Variants in CAMK1D observed in about 807,000 individuals in gnomAD.
CAMK1D encodes the protein calcium/calmodulin-dependent protein kinase type 1D.
Under a neutral mutation model 47.7 loss-of-function variants are expected in CAMK1D, and 9 were observed. The ratio of observed to expected loss-of-function variants is 0.19; its 90% CI spans 0.11 to 0.33. CAMK1D has a LOEUF of 0.33. CAMK1D is among the 10% of genes least tolerant of loss of function. The probability of loss-of-function intolerance (pLI) is 1.00; values close to 1 mark genes in which losing one functional copy is unlikely to be tolerated. For synonymous variants in CAMK1D, 184 were observed against 184.9 expected (o/e 0.99, Z 0.04); for missense variants, 291 against 488.7 (o/e 0.60, Z 3.81).
At chr10:12,682,521 A>G (rs1285854470) in intron 3 of CAMK1D, among the ~76,000 whole-genome samples, 1 of 152,206 alleles carries the variant, frequency 6.6e-6, no homozygotes, top group Non-Finnish European at 1.5e-5. Flanking sequence ...AAAATTTACA[A>G]TTCAGAATTT....
intron 1 of CAMK1D, among the ~76,000 whole-genome samples, chr10:12,495,215 G>T (rs1424255249): frequency 2.0e-5 from 3 of 152,188 alleles, no homozygotes; most frequent in Non-Finnish European, 2.9e-5. Context: ...TGTTGCCTCA[G>T]GTAAAGCCCG....
chr10:12,489,480 G>A (rs749734321), intron 1 of CAMK1D, among the ~76,000 whole-genome samples: 7 of 152,312 alleles, frequency 4.6e-5, no homozygotes, highest in Non-Finnish European at 1.0e-4. Context: ...AGTCATTTGT[G>A]CTTCCATAAG....
At chr10:12,421,828 T>C (rs1840061874) in intron 1 of CAMK1D, among the ~76,000 whole-genome samples, 1 of 150,782 alleles carries the variant, frequency 6.6e-6, no homozygotes, top group Non-Finnish European at 1.5e-5. Flanking sequence ...GGGACTCTTA[T>C]TTTTTTGAGA....
chr10:12,662,966 C>T (rs77087435), intron 2 of CAMK1D, among the ~76,000 whole-genome samples: 10,308 of 151,936 alleles, frequency 0.068, 384 homozygotes, highest in South Asian at 0.18. Flanking sequence ...TTTTTGTTTT[C>T]GTTTTTGTTT....
At chr10:12,709,467 G>A (rs1833855752) in intron 3 of CAMK1D, among the ~76,000 whole-genome samples, 1 of 152,012 alleles carries the variant, frequency 6.6e-6, no homozygotes, top group African/African-American at 2.4e-5. Context: ...AAATATGACA[G>A]ATACAAAGAA....
intron 2 of CAMK1D, among the ~76,000 whole-genome samples, chr10:12,607,927 C>T (rs1003040041): frequency 6.6e-6 from 1 of 151,914 alleles, no homozygotes; most frequent in Non-Finnish European, 1.5e-5. Flanking sequence ...CATTACTGCG[C>T]TCCAGCCTAG....
intron 2 of CAMK1D, among the ~76,000 whole-genome samples, chr10:12,615,737 TG>T (rs1164586137): frequency 6.6e-6 from 1 of 151,658 alleles, no homozygotes; most frequent in Non-Finnish European, 1.5e-5. Flanking sequence ...TGCATGTGTG[TG>T]GGGGTGTGTA....
chr10:12,629,316 G>A (rs1312754985), intron 2 of CAMK1D, among the ~76,000 whole-genome samples: 5 of 152,112 alleles, frequency 3.3e-5, no homozygotes, highest in Admixed American at 1.3e-4. Flanking sequence ...TTACCTTTTG[G>A]TTTCTAAAAC....
At chr10:12,580,683 C>T (rs1837637502) in intron 2 of CAMK1D, among the ~76,000 whole-genome samples, 1 of 152,156 alleles carries the variant, frequency 6.6e-6, no homozygotes, top group Non-Finnish European at 1.5e-5. Context: ...ATATGGACCC[C>T]AGCCTAAGAA....
intron 1 of CAMK1D, among the ~76,000 whole-genome samples, chr10:12,387,393 TATA>T (rs1838543163): frequency 2.2e-5 from 1 of 45,024 alleles, no homozygotes; most frequent in African/African-American, 5.3e-5. Context: ...ATATATATTA[TATA>T]TTTTTATATA....
At chr10:12,572,704 T>C (rs1036726109) in intron 2 of CAMK1D, among the ~76,000 whole-genome samples, 1 of 152,118 alleles carries the variant, frequency 6.6e-6, no homozygotes. Flanking sequence ...AGATCACAGC[T>C]CATTGTAGCC....
At chr10:12,540,503 C>T (rs1328867798) in intron 1 of CAMK1D, among the ~76,000 whole-genome samples, 4 of 152,174 alleles carry the variant, frequency 2.6e-5, no homozygotes, top group African/African-American at 7.2e-5. Flanking sequence ...AGGCTGTTAA[C>T]AGTAAAGACT....
chr10:12,821,312 T>C (rs1833002740), intron 8 of CAMK1D, among the ~76,000 whole-genome samples: 1 of 152,234 alleles, frequency 6.6e-6, no homozygotes, highest in African/African-American at 2.4e-5. Context: ...GGCTAGTATT[T>C]GGCCAAATAT....
At chr10:12,700,519 AT>A (rs1209258305) in intron 3 of CAMK1D, among the ~76,000 whole-genome samples, 1 of 152,138 alleles carries the variant, frequency 6.6e-6, no homozygotes, top group African/African-American at 2.4e-5. Context: ...TCAAGATGAG[AT>A]TTGGGTGGGG....
At chr10:12,465,352 T>A (rs1252329700) in intron 1 of CAMK1D, among the ~76,000 whole-genome samples, 1 of 152,124 alleles carries the variant, frequency 6.6e-6, no homozygotes, top group Non-Finnish European at 1.5e-5. Flanking sequence ...AATCTTTTAT[T>A]TTTATTTTAT....
chr10:12,734,374 A>C (rs1156957794), intron 3 of CAMK1D, among the ~76,000 whole-genome samples: 1 of 28,728 alleles, frequency 3.5e-5, no homozygotes, highest in African/African-American at 1.5e-4. Context: ...ATATATATAT[A>C]TATAGATATA....
intron 2 of CAMK1D, among the ~76,000 whole-genome samples, chr10:12,611,836 A>C (rs1034762866): frequency 1.3e-5 from 2 of 151,612 alleles, no homozygotes; most frequent in South Asian, 2.1e-4. Context: ...CAGGCGATCT[A>C]CCCGCCTCGG....
At chr10:12,744,162 G>A (rs1217019421) in intron 3 of CAMK1D, among the ~76,000 whole-genome samples, 1 of 152,106 alleles carries the variant, frequency 6.6e-6, no homozygotes, top group Non-Finnish European at 1.5e-5. Flanking sequence ...TATCAGTACT[G>A]CGTTTCTTTT....
intron 3 of CAMK1D, among the ~76,000 whole-genome samples, chr10:12,756,575 T>G (rs892267054): frequency 2.0e-5 from 3 of 152,210 alleles, no homozygotes; most frequent in African/African-American, 7.2e-5. Context: ...ATTTGCATAT[T>G]TAAAATTTGC....
Sources: allele counts gnomAD v4.1 joint callset (sites outside exome capture counted in the v4.1 genomes callset), GRCh38; gene constraint gnomAD v4.1.1; transcripts MANE v1.5; gene names NCBI Gene and HGNC (gene_info 2026-07-23, HGNC 2026-07-21).